FCER2: variants seen among roughly 807,000 people sequenced by gnomAD.
FCER2 encodes low affinity immunoglobulin epsilon Fc receptor.
Under a neutral mutation model 49.7 loss-of-function variants are expected in FCER2, and 38 were observed. That is an observed-to-expected ratio of 0.76 (90% CI 0.59 to 1.00). The LOEUF is 1.00. FCER2 is among the 50% of genes least tolerant of loss of function. The pLI is 0.00. For missense variants in FCER2, 425 were observed against 419.5 expected, an observed-to-expected ratio of 1.01 and a Z score of -0.11; for synonymous variants, 163 against 164.6, an observed-to-expected ratio of 0.99 and a Z score of 0.07.
At chr19:7,701,094 G>A (rs186767953) in intron 1 of FCER2, among the ~76,000 whole-genome samples, 29 of 152,340 alleles carry the variant, frequency 1.9e-4, no homozygotes, top group Non-Finnish European at 8.8e-5. Context: ...ACAGGCGTGA[G>A]CCACTGCGCC....
chr19:7,698,529 T>C, intron 3 of FCER2, 120 bp from the exon 4 acceptor site: 2 of 942,370 alleles, frequency 2.1e-6, no homozygotes, highest in Non-Finnish European at 3.3e-6. Flanking sequence ...GTGCTGAAAG[T>C]GTGGAGGACA....
intron 2 of FCER2, 138 bp from the exon 3 acceptor site, chr19:7,698,992 C>T (rs12981234): frequency 0.34 from 277,818 of 816,100 alleles, 50,041 homozygotes; most frequent in South Asian, 0.53. Flanking sequence ...TCTCAGTGGA[C>T]CCCCAGCTCC....
intron 8 of FCER2, among the ~76,000 whole-genome samples, chr19:7,692,592 A>G (rs1409510389): frequency 6.6e-6 from 1 of 151,418 alleles, no homozygotes; most frequent in African/African-American, 2.5e-5. Context: ...CACTGTCACC[A>G]CAAACACCTT....
At chr19:7,695,923 T>C (rs986914131) in intron 8 of FCER2, among the ~76,000 whole-genome samples, 23 of 139,934 alleles carry the variant, frequency 1.6e-4, no homozygotes, top group African/African-American at 3.0e-4. Context: ...TCTCTCTCTT[T>C]TTTTTTTTTT....
At chr19:7,699,476 CGTTT>C (rs373143102) in intron 2 of FCER2, 49 of 1,305,332 alleles carry the variant, frequency 3.8e-5, no homozygotes, top group African/African-American at 2.2e-4. Context: ...TAGCTGAAGC[CGTTT>C]TTTTTTTTTT....
In FCER2 at chr19:7,689,138, T is replaced by TAAA. The variant is rs1312963377; in HGVS notation, c.*54_*55insTTT. ...GACCTTTCAGCCACAAAGAGGCTTTTAGGCCGTGGTTGGGGGTCTTCAGGG... is the reference window on the plus strand; with the variant it reads ...GACCTTTCAGCCACAAAGAGGCTTTTAAAAGGCCGTGGTTGGGGGTCTTCAGGG... On this transcript the variant is annotated 3_prime_UTR_variant, in exon 11 of 11. Coordinates refer to ENST00000597921, the MANE Select transcript of FCER2 (RefSeq NM_001220500.2). The TAAA allele has an allele frequency of 3.9e-6, 5 of 1,267,242 alleles. No individual in the cohort carries two copies. The highest frequency in any genetic ancestry group is 1.1e-6 in the Non-Finnish European group (1 of 879,342). 78.5% of individuals were successfully genotyped at this position (1,267,242 alleles called of 1,614,324 possible).
rs139634066 is a variant in FCER2, at chr19:7,698,929, C to T, written c.23-75G>A. ...TGGCCCTGTCCGTCTCTCCATTACCCAGAGCCCCCGACAGCCTGGGAGCTT... is the reference window on the plus strand; with the variant it reads ...TGGCCCTGTCCGTCTCTCCATTACCTAGAGCCCCCGACAGCCTGGGAGCTT... On this transcript the variant is annotated intron_variant, in intron 2 of 10. Transcript: ENST00000597921. 1.2e-3 allele frequency: 1,784 copies of T among 1,484,674 alleles called. 18 individuals carry two copies. In the African/African-American group the frequency reaches 0.019, roughly 15 times the overall value. The allele number at this position is 1,484,674 out of a possible 1,614,324, so 92.0% of individuals were successfully genotyped here.
chr19:7,690,063 A>T, intron 10 of FCER2, 96 bp downstream of exon 10: 1 of 821,630 alleles, frequency 1.2e-6, no homozygotes, highest in Non-Finnish European at 2.1e-6. Flanking sequence ...CTTATCTCTG[A>T]GCCCTCATCC....
intron 9 of FCER2, 38 bp from the exon 10 acceptor site, chr19:7,690,303 T>G: frequency 6.2e-7 from 1 of 1,607,948 alleles, no homozygotes; most frequent in African/African-American, 1.3e-5. Context: ...TGGAGACATG[T>G]GCCCGGGGCC....
At chr19:7,698,310 C>T (rs1599441209) in intron 4 of FCER2, 46 bp downstream of exon 4, 2 of 1,357,188 alleles carry the variant, frequency 1.5e-6, no homozygotes, top group South Asian at 1.4e-5. Context: ...GAGTGCTGGG[C>T]ATCCTAACCC....
intron 10 of FCER2, 145 bp from the exon 11 acceptor site, chr19:7,689,575 C>T (rs929193903): frequency 8.3e-6 from 5 of 599,180 alleles, no homozygotes; most frequent in Non-Finnish European, 1.5e-5. Context: ...ATTTTGGTGC[C>T]CCATACCCTG....
At chr19:7,699,203 G>C (rs969216217) in intron 2 of FCER2, among the ~76,000 whole-genome samples, 1 of 151,732 alleles carries the variant, frequency 6.6e-6, no homozygotes, top group Non-Finnish European at 1.5e-5. Context: ...CCCCAACCTG[G>C]AGTCCCTTCC....
Position 7,698,355 on chromosome 19 carries a change from C to T in FCER2, c.190+1G>A. 1 of 1,608,598 alleles carries T rather than the reference C, an allele frequency of 6.2e-7. No homozygotes were observed. The highest frequency in any genetic ancestry group is 8.5e-7 in the Non-Finnish European group (1 of 1,176,206). On this transcript the variant is annotated splice_donor_variant, in intron 4 of 10. Transcript: ENST00000597921. LOFTEE classifies it high-confidence loss of function. ...CCCCCTCCACCTTGACCCCTTCATA[C>T]CGTTCCGGGCAGCCCTCTCTTCCAG...
At chr19:7,698,453 G>T in intron 3 of FCER2, 44 bp from the exon 4 acceptor site, 2 of 1,469,318 alleles carry the variant, frequency 1.4e-6, no homozygotes, top group Non-Finnish European at 1.9e-6. Flanking sequence ...GGGATTGTCA[G>T]TGCCCCCACC....
intron 1 of FCER2, chr19:7,700,096 A>G: frequency 3.0e-6 from 1 of 331,368 alleles, no homozygotes; most frequent in Non-Finnish European, 5.5e-6. Context: ...AGATCTTGAC[A>G]AATGGCTTAA....
rs80292677 is a variant in FCER2, at chr19:7,691,976, A to G, written c.470-1419T>C. Among the ~76,000 whole-genome samples, 29 of 70,498 alleles carry G rather than the reference A, an allele frequency of 4.1e-4. 5 individuals are homozygous for G. Among genetic ancestry groups the G allele is most frequent in the Non-Finnish European group, 7.2e-4 (26 of 36,362 alleles). The allele number at this position is 70,498 out of a possible 152,430, so 46.2% of individuals were successfully genotyped here. A position where few individuals can be genotyped will look rare whatever the true frequency, so the allele number is the denominator to read the frequency against. ...ACCAACACCATTGTCACACATTCAC[A>G]TTCACGTCCATCAACACATCAACCA... is the stretch of plus-strand genomic sequence containing the variant. On this transcript the variant is annotated intron_variant, in intron 8 of 10. Coordinates refer to ENST00000597921, the MANE Select transcript of FCER2 (RefSeq NM_001220500.2).
intron 2 of FCER2, chr19:7,699,534 G>C (rs1309814502): frequency 4.4e-6 from 6 of 1,378,642 alleles, no homozygotes; most frequent in Non-Finnish European, 4.8e-6. Context: ...TCAGAAAAAG[G>C]AGGGGCCCTC....
At chr19:7,698,273 A>C in intron 4 of FCER2, 83 bp downstream of exon 4, 3 of 970,596 alleles carry the variant, frequency 3.1e-6, no homozygotes, top group Non-Finnish European at 4.6e-6. Context: ...TAGCGAGGGG[A>C]CACTGAGGCC....
At chr19:7,699,119 C>T (rs1418207945) in intron 2 of FCER2, among the ~76,000 whole-genome samples, 1 of 152,018 alleles carries the variant, frequency 6.6e-6, no homozygotes, top group Non-Finnish European at 1.5e-5. Flanking sequence ...CCCAGCTTCA[C>T]TTCCAGAAGA....
Sources: gnomAD v4.1 joint callset for allele counts (sites outside exome capture counted in the v4.1 genomes callset) on GRCh38, gnomAD v4.1.1 for gene constraint, MANE v1.5 for transcripts, NCBI Gene and HGNC (gene_info 2026-07-23, HGNC 2026-07-21) for gene names.